The following CADPS2 variants were observed in gnomAD, a reference collection of about 807,000 sequenced individuals.
CADPS2 encodes the protein calcium-dependent secretion activator 2.
In CADPS2, 93 loss-of-function variants were observed where a neutral mutation model predicts 172.5. The observed-to-expected ratio is 0.54, with a 90% CI of 0.46 to 0.64. The LOEUF (loss-of-function observed/expected upper bound fraction) is 0.64. Among genes scored for constraint, CADPS2 ranks in the 30% least tolerant of loss-of-function variants. CADPS2 has a pLI of 0.00. For synonymous variants in CADPS2, 546 were observed against 555.2 expected (o/e 0.98, Z 0.23); for missense variants, 1,420 against 1,565.9 (o/e 0.91, Z 1.57).
chr7:122,794,794 T>TAA (rs1796018481), intron 1 of CADPS2, among the ~76,000 whole-genome samples: 1 of 149,614 alleles, frequency 6.7e-6, no homozygotes, highest in Non-Finnish European at 1.5e-5. Context: ...CATAATCAAA[T>TAA]TGGAAATCAA....
intron 2 of CADPS2, among the ~76,000 whole-genome samples, chr7:122,710,984 C>T (rs1444593074): frequency 6.6e-6 from 1 of 152,088 alleles, no homozygotes; most frequent in East Asian, 1.9e-4. Context: ...AGTACTTTCT[C>T]TTCAAAATAT....
intron 3 of CADPS2, among the ~76,000 whole-genome samples, chr7:122,647,363 A>C (rs1053758539): frequency 1.3e-5 from 2 of 152,178 alleles, no homozygotes; most frequent in Non-Finnish European, 2.9e-5. Context: ...CAAACTTTTG[A>C]CCATTGTTCA....
chr7:122,456,781 C>G (rs965522505), intron 14 of CADPS2, among the ~76,000 whole-genome samples: 1 of 152,176 alleles, frequency 6.6e-6, no homozygotes, highest in Non-Finnish European at 1.5e-5. Context: ...CGTGTGCACA[C>G]AAACACAGAC....
chr7:122,465,852 T>C (rs548141288), intron 14 of CADPS2, among the ~76,000 whole-genome samples: 2 of 152,258 alleles, frequency 1.3e-5, no homozygotes, highest in South Asian at 4.1e-4. Context: ...ATAAAACCAG[T>C]ATGAGAAAGT....
At chr7:122,664,064 C>CAAA (rs541690772) in intron 2 of CADPS2, among the ~76,000 whole-genome samples, 502 of 84,648 alleles carry the variant, frequency 5.9e-3, no homozygotes, top group African/African-American at 7.5e-3. Context: ...TGTTTATAAG[C>CAAA]AAAAAAAAAA....
intron 14 of CADPS2, among the ~76,000 whole-genome samples, chr7:122,468,119 A>C (rs2055405636): frequency 6.6e-6 from 1 of 152,202 alleles, no homozygotes; most frequent in Admixed American, 6.5e-5. Flanking sequence ...GTGCTCCCTG[A>C]AAAATTTCAA....
intron 8 of CADPS2, among the ~76,000 whole-genome samples, chr7:122,516,175 G>C (rs1470843295): frequency 6.6e-6 from 1 of 152,114 alleles, no homozygotes; most frequent in Non-Finnish European, 1.5e-5. Flanking sequence ...TAGGTATCAA[G>C]TATCCCTATC....
rs776233111 is a variant in CADPS2 at position 122,490,155 on chromosome 7, T to C, written c.1778A>G (p.Tyr593Cys). The change falls in exon 11 of 30, where the codon TAT becomes TGT. Residue 593 changes from tyrosine (Y) to cysteine (C), a missense_variant. By Grantham distance (194) the Tyr-to-Cys change is radical. Transcript: ENST00000449022. ...QAMYRATGQS[Y>C]KPVPAIQTQK... The stretch of plus-strand genomic sequence containing the variant: ...GGTTTGAATTGCAGGAACTGGTTTA[T>C]ATGATTGACCTGTGGCCCTATACAT... The C allele has an allele frequency of 1.2e-6, 2 of 1,613,464 alleles. No individual in the cohort carries two copies. The highest frequency in any genetic ancestry group is 1.3e-5 in the African/African-American group (1 of 74,922).
At chr7:122,341,095 G>T (rs1244504418) in intron 28 of CADPS2, among the ~76,000 whole-genome samples, 1 of 152,124 alleles carries the variant, frequency 6.6e-6, no homozygotes. Context: ...ATCCTGGTCA[G>T]CTGGAAACAC....
intron 8 of CADPS2, among the ~76,000 whole-genome samples, chr7:122,553,682 T>A (rs760679118): frequency 1.6e-4 from 24 of 152,264 alleles, no homozygotes; most frequent in Non-Finnish European, 3.1e-4. Context: ...TCCACCCTGA[T>A]GTTAGTGATT....
intron 1 of CADPS2, among the ~76,000 whole-genome samples, chr7:122,847,762 G>GGT (rs1563166565): frequency 2.6e-5 from 4 of 152,114 alleles, no homozygotes; most frequent in African/African-American, 4.8e-5. Flanking sequence ...TTACTGCTCC[G>GGT]AACTCATACT....
At chr7:122,524,133 T>C (rs2061023138) in intron 8 of CADPS2, among the ~76,000 whole-genome samples, 1 of 152,206 alleles carries the variant, frequency 6.6e-6, no homozygotes. Context: ...GTAAATAGTT[T>C]AGCAAGAAAC....
intron 20 of CADPS2, among the ~76,000 whole-genome samples, chr7:122,398,764 C>CT (rs55830112): frequency 1.8e-4 from 27 of 151,282 alleles, no homozygotes; most frequent in Non-Finnish European, 2.9e-4. Flanking sequence ...CTCTCTCTCT[C>CT]CCGCCGCCCT....
At chr7:122,387,284 G>A in intron 23 of CADPS2, 111 bp from the exon 24 acceptor site, 3 of 1,119,298 alleles carry the variant, frequency 2.7e-6, no homozygotes, top group Non-Finnish European at 3.8e-6. Context: ...TGCAAATAAG[G>A]AGTAAGCAGT....
intron 14 of CADPS2, among the ~76,000 whole-genome samples, chr7:122,466,657 TTAC>T (rs935817985): frequency 2.0e-5 from 3 of 152,192 alleles, no homozygotes; most frequent in African/African-American, 7.2e-5. Flanking sequence ...CATAAAAAAA[TTAC>T]TACATGCTAT....
At chr7:122,432,981 T>C (rs190262013) in intron 17 of CADPS2, among the ~76,000 whole-genome samples, 8 of 152,126 alleles carry the variant, frequency 5.3e-5, no homozygotes, top group African/African-American at 1.4e-4. Flanking sequence ...ATATATATAA[T>C]ATATTTTTTG....
At chr7:122,399,348 T>G (rs1392599127) in intron 20 of CADPS2, among the ~76,000 whole-genome samples, 1 of 152,196 alleles carries the variant, frequency 6.6e-6, no homozygotes, top group Non-Finnish European at 1.5e-5. Context: ...ATACATGTAT[T>G]TGCAAGGAGC....
chr7:122,374,821 T>C (rs1013883649), intron 25 of CADPS2, among the ~76,000 whole-genome samples: 20 of 152,180 alleles, frequency 1.3e-4, no homozygotes, highest in African/African-American at 4.1e-4. Context: ...TGTATACCTA[T>C]GTAGCAAAAG....
chr7:122,387,700 G>C (rs953261135), intron 23 of CADPS2, among the ~76,000 whole-genome samples: 1 of 152,046 alleles, frequency 6.6e-6, no homozygotes, highest in Non-Finnish European at 1.5e-5. Context: ...ATTGCAGGCA[G>C]GTTTTTGAAA....
Sources: allele counts gnomAD v4.1 joint callset (sites outside exome capture counted in the v4.1 genomes callset), GRCh38; gene constraint gnomAD v4.1.1; transcripts MANE v1.5; gene names NCBI Gene and HGNC (gene_info 2026-07-23, HGNC 2026-07-21).